CDK5RAP1: variants seen among roughly 807,000 people sequenced by gnomAD.
CDK5RAP1 encodes the protein mitochondrial tRNA methylthiotransferase CDK5RAP1.
CDK5RAP1 carries 62 observed loss-of-function variants against 64.5 expected under a neutral mutation model. The observed-to-expected ratio is 0.96, with a 90% CI of 0.78 to 1.19. The LOEUF is 1.19. Among genes scored for constraint, CDK5RAP1 ranks in the 50% most tolerant of loss-of-function variants. CDK5RAP1 has a pLI of 0.00. For missense variants in CDK5RAP1, 657 were observed against 735.0 expected (o/e 0.89, Z 1.23); for synonymous variants, 250 against 261.9 (o/e 0.95, Z 0.44).
At position 33,370,496 on chromosome 20, in the gene CDK5RAP1, C is replaced by CA. The variant is rs759662758; in HGVS notation, c.1392+2dup. ...GTCAGTCCTCCCCAACCCCAGGGCT[C>CA]ACCTGTCTCATGCTGTAGGCAAAGA... On this transcript the variant is annotated splice_region_variant and intron_variant, in intron 11 of 13. Coordinates refer to ENST00000346416, the MANE Select transcript of CDK5RAP1 (RefSeq NM_016408.4). 6.2e-7 allele frequency: 1 copy of CA among 1,614,048 alleles called. No homozygotes were observed. Among genetic ancestry groups the CA allele is most frequent in the Admixed American group, 1.7e-5 (1 of 60,006 alleles).
At chr20:33,384,094 A>T (rs1987116810) in intron 7 of CDK5RAP1, among the ~76,000 whole-genome samples, 1 of 152,196 alleles carries the variant, frequency 6.6e-6, no homozygotes, top group Non-Finnish European at 1.5e-5. Context: ...CATTGTTTGA[A>T]TGAATAAACG....
intron 5 of CDK5RAP1, among the ~76,000 whole-genome samples, chr20:33,391,249 T>TAAAA (rs60730257): frequency 4.7e-5 from 5 of 107,354 alleles, no homozygotes; most frequent in African/African-American, 7.4e-5. Context: ...ACTCTGTTTT[T>TAAAA]AAAAAAAAAA....
chr20:33,396,105 T>A (rs1021723976), intron 2 of CDK5RAP1, among the ~76,000 whole-genome samples: 1 of 152,136 alleles, frequency 6.6e-6, no homozygotes, highest in Non-Finnish European at 1.5e-5. Context: ...ACACTCCTCC[T>A]CAAAATAAAG....
At chr20:33,390,274 C>A (rs1490998006) in intron 5 of CDK5RAP1, among the ~76,000 whole-genome samples, 38 of 142,804 alleles carry the variant, frequency 2.7e-4, no homozygotes, top group South Asian at 4.5e-4. Flanking sequence ...ACCCTGTCAC[C>A]AAAAAAAAAA....
chr20:33,399,850 A>G (rs1013772110), intron 1 of CDK5RAP1, among the ~76,000 whole-genome samples: 4 of 152,128 alleles, frequency 2.6e-5, no homozygotes, highest in Non-Finnish European at 5.9e-5. Context: ...ACATGGCAAG[A>G]CCATGTTTAT....
chr20:33,369,397 G>T (rs962452920), intron 11 of CDK5RAP1, among the ~76,000 whole-genome samples: 16 of 151,784 alleles, frequency 1.1e-4, no homozygotes, highest in African/African-American at 3.6e-4. Context: ...GCAGGAGAAT[G>T]GCATGAACCC....
rs777261015 is a variant in CDK5RAP1 at position 33,387,562 on chromosome 20, TC to T, written c.545-30del. ...GAAGGGAAAAAGAAACAAGCACCTT[TC>T]CCCAAATCCACCTGGTGTTTAATGG... On this transcript the variant is annotated intron_variant, in intron 5 of 13. Transcript: ENST00000346416. 7 of 1,574,202 alleles carry T rather than the reference TC, an allele frequency of 4.4e-6. No homozygotes were observed. In the South Asian group the frequency reaches 7.8e-5, roughly 17 times the overall value.
intron 11 of CDK5RAP1, among the ~76,000 whole-genome samples, chr20:33,369,803 A>T (rs993617122): frequency 2.6e-5 from 4 of 152,208 alleles, no homozygotes; most frequent in African/African-American, 7.2e-5. Context: ...CAATGACAAT[A>T]AAGTCATGGG....
At chr20:33,379,438 G>T (rs1268835667) in intron 8 of CDK5RAP1, 23 bp downstream of exon 8, 2 of 1,536,830 alleles carry the variant, frequency 1.3e-6, no homozygotes, top group African/African-American at 2.7e-5. Context: ...ATATCAGTTT[G>T]TCACAGCTAA....
At chr20:33,375,200 G>A (rs961371539) in intron 8 of CDK5RAP1, among the ~76,000 whole-genome samples, 4 of 151,582 alleles carry the variant, frequency 2.6e-5, no homozygotes, top group African/African-American at 4.8e-5. Context: ...TCAGCAGTTC[G>A]AGACCAGCTT....
At chr20:33,392,928 G>A (rs962299436) in intron 4 of CDK5RAP1, among the ~76,000 whole-genome samples, 1 of 150,658 alleles carries the variant, frequency 6.6e-6, no homozygotes, top group Non-Finnish European at 1.5e-5. Flanking sequence ...TCACCAGGCT[G>A]GAGTGCAACA....
chr20:33,361,583 T>G (rs971208663), intron 12 of CDK5RAP1, among the ~76,000 whole-genome samples: 3 of 152,214 alleles, frequency 2.0e-5, no homozygotes, highest in African/African-American at 7.2e-5. Context: ...TGCTCATCGG[T>G]TCCTTGGGAT....
chr20:33,395,174 T>G, intron 2 of CDK5RAP1, 58 bp from the exon 3 acceptor site: 1 of 947,302 alleles, frequency 1.1e-6, no homozygotes, highest in East Asian at 2.4e-5. Context: ...GTCTCGTGTC[T>G]CAAAAGGTCT....
At chr20:33,384,137 C>G (rs1269299399) in intron 7 of CDK5RAP1, among the ~76,000 whole-genome samples, 1 of 152,072 alleles carries the variant, frequency 6.6e-6, no homozygotes, top group Non-Finnish European at 1.5e-5. Context: ...ATTCTATACT[C>G]TTTGCAACTG....
intron 7 of CDK5RAP1, among the ~76,000 whole-genome samples, chr20:33,384,506 G>T (rs1168919947): frequency 6.6e-6 from 1 of 152,104 alleles, no homozygotes; most frequent in African/African-American, 2.4e-5. Context: ...CAGAGCAGGG[G>T]AGCAGCTAGG....
At chr20:33,376,685 G>C (rs1234150363) in intron 8 of CDK5RAP1, among the ~76,000 whole-genome samples, 1 of 151,964 alleles carries the variant, frequency 6.6e-6, no homozygotes, top group Admixed American at 6.6e-5. Flanking sequence ...TTAATTTTTA[G>C]TTTATATAAG....
intron 4 of CDK5RAP1, 89 bp downstream of exon 4, chr20:33,393,943 C>G: frequency 1.1e-6 from 1 of 915,348 alleles, no homozygotes; most frequent in East Asian, 2.4e-5. Context: ...GCCACTGGCT[C>G]ATCTCCATAG....
At chr20:33,370,051 T>C (rs1984718223) in intron 11 of CDK5RAP1, among the ~76,000 whole-genome samples, 2 of 152,172 alleles carry the variant, frequency 1.3e-5, no homozygotes, top group Admixed American at 6.5e-5. Flanking sequence ...GGAATCTGCT[T>C]TGTTTCCTGG....
chr20:33,384,885 G>A (rs1052908042), intron 7 of CDK5RAP1, among the ~76,000 whole-genome samples: 1 of 152,174 alleles, frequency 6.6e-6, no homozygotes, highest in Admixed American at 6.5e-5. Context: ...TTGGGTGACA[G>A]AGTGAAAGCC....
Sources: gnomAD v4.1 joint callset for allele counts (sites outside exome capture counted in the v4.1 genomes callset) on GRCh38, gnomAD v4.1.1 for gene constraint, MANE v1.5 for transcripts, NCBI Gene and HGNC (gene_info 2026-07-23, HGNC 2026-07-21) for gene names.